EPG5: variants seen among roughly 807,000 people sequenced by gnomAD.
The protein encoded by EPG5 is ectopic P-granules 5 autophagy tethering factor.
A neutral mutation model predicts 302.7 loss-of-function variants in EPG5; 159 were observed. The observed-to-expected ratio is 0.53, with a 90% CI of 0.46 to 0.60. EPG5 has a LOEUF of 0.60. EPG5 is among the 20% of genes least tolerant of loss of function. The pLI is 0.00. For missense variants in EPG5, 2,896 were observed against 3,092.4 expected, an observed-to-expected ratio of 0.94 and a Z score of 1.51; for synonymous variants, 1,158 against 1,136.8, an observed-to-expected ratio of 1.02 and a Z score of -0.37.
chr18:45,888,012 C>T lies in EPG5; in HGVS notation c.4953-105G>A. Reference sequence around the variant, plus strand: ...TTCTCAGGCAATATTCTTAAGAATCCTCAGAGCACCCATGAAAATGTCACT... The same window carrying T: ...TTCTCAGGCAATATTCTTAAGAATCTTCAGAGCACCCATGAAAATGTCACT... On this transcript the variant is annotated intron_variant, in intron 28 of 43. Coordinates refer to ENST00000282041, the MANE Select transcript of EPG5 (RefSeq NM_020964.3). 8 of 830,918 alleles carry T rather than the reference C, an allele frequency of 9.6e-6. No individual in the cohort carries two copies. In the South Asian group the frequency reaches 2.7e-4, roughly 28 times the overall value. The allele number at this position is 830,918 out of a possible 1,614,324, so 51.5% of individuals were successfully genotyped here. A position where few individuals can be genotyped will look rare whatever the true frequency, so the allele number is the denominator to read the frequency against.
the EPG5 span, among the ~76,000 whole-genome samples, chr18:45,801,430 A>G: frequency 6.6e-6 from 1 of 152,124 alleles, no homozygotes; most frequent in Non-Finnish European, 1.5e-5. Flanking sequence ...TGGCCTTCCC[A>G]GTAATTGGCT....
intron 1 of EPG5, among the ~76,000 whole-genome samples, chr18:45,959,532 G>C (rs143143379): frequency 0.032 from 4,881 of 151,172 alleles, 224 homozygotes; most frequent in African/African-American, 0.11. Context: ...TGCAGTCCCA[G>C]CTACTCAGGA....
At chr18:45,847,251 A>G (rs997990139), downstream of EPG5, among the ~76,000 whole-genome samples, 2 of 152,180 alleles carry the variant, frequency 1.3e-5, no homozygotes, top group Non-Finnish European at 2.9e-5. Context: ...CCACCACTGA[A>G]GGTGGATTTC....
chr18:45,854,559 CA>C lies in EPG5; in HGVS notation c.7557+1013del, dbSNP rs140080431. Among the ~76,000 whole-genome samples the C allele has an allele frequency of 4.2e-3, 633 of 152,128 alleles. 11 individuals are homozygous for C. The East Asian group carries it at 0.056, about 13-fold the overall frequency. ...CTCTCTCTTTCCTCATCCAAAAAAC[CA>C]GGATAATAATAGTTCCCAGCTGGAT... On this transcript the variant is annotated intron_variant, in intron 43 of 43. Transcript: ENST00000282041.
the EPG5 span, among the ~76,000 whole-genome samples, chr18:45,820,375 G>A: frequency 4.4e-4 from 67 of 152,274 alleles, no homozygotes; most frequent in African/African-American, 1.6e-3. Flanking sequence ...CAGCCTCTAG[G>A]CAGAAACCTG....
chr18:45,867,687 T>C lies in EPG5; in HGVS notation c.6287A>G (p.Asn2096Ser), dbSNP rs141854483. Residue 2096 changes from asparagine to serine, a missense_variant, in exon 37 of 44, where the codon AAC becomes AGC. By Grantham distance (46) the Asn-to-Ser change is conservative (BLOSUM62 1). Around this residue, in one of 5 missense-constraint regions of EPG5, gnomAD observed 620 missense variants for 704.2 expected, o/e 0.88. Coordinates refer to ENST00000282041, the MANE Select transcript of EPG5 (RefSeq NM_020964.3). The stretch of plus-strand genomic sequence containing the variant: ...GGCATCAGAGAGCACACTAACCCAG[T>C]TGACTTCACAGAGTACAGACCCCAA... ...LFLGSVLCEV[N>S]WVSVLSDAWN... The C allele has an allele frequency of 2.5e-6, 4 of 1,614,112 alleles. No individual in the cohort carries two copies. Among genetic ancestry groups the C allele is most frequent in the South Asian group, 1.1e-5 (1 of 91,072 alleles).
At chr18:45,937,076 T>C (rs2050545348) in intron 10 of EPG5, among the ~76,000 whole-genome samples, 1 of 151,856 alleles carries the variant, frequency 6.6e-6, no homozygotes. Flanking sequence ...TTAATTATCC[T>C]AACACTTCAC....
chr18:45,909,378 T>C (rs920867061), intron 23 of EPG5, among the ~76,000 whole-genome samples: 1 of 152,154 alleles, frequency 6.6e-6, no homozygotes, highest in Non-Finnish European at 1.5e-5. Flanking sequence ...TGGTTAAAAA[T>C]AAGTTCTCCT....
chr18:45,892,912 T>C (rs2049384138), intron 27 of EPG5, among the ~76,000 whole-genome samples: 1 of 152,210 alleles, frequency 6.6e-6, no homozygotes, highest in Non-Finnish European at 1.5e-5. Context: ...ATAAAGCTAA[T>C]TTTTAAAAAC....
In EPG5 at chr18:45,915,922, C is replaced by A. The variant is rs1406607292; in HGVS notation, c.3582+87G>T. Reference sequence around the variant, plus strand: ...AGAAGGTAATGGCCACAGAGTAGAACTGAAAACTGTACTTGGGGGAATCTT... The same window carrying A: ...AGAAGGTAATGGCCACAGAGTAGAAATGAAAACTGTACTTGGGGGAATCTT... On this transcript the variant is annotated intron_variant, in intron 19 of 43. Coordinates refer to ENST00000282041, the MANE Select transcript of EPG5 (RefSeq NM_020964.3). 1.2e-5 allele frequency: 15 copies of A among 1,227,354 alleles called. No homozygotes were observed. The South Asian group carries it at 1.4e-4, about 11-fold the overall frequency. 76.0% of individuals were successfully genotyped at this position (1,227,354 alleles called of 1,614,324 possible).
rs748634612 is a variant in EPG5 at position 45,910,614 on chromosome 18, C to T, written c.4112G>A (p.Arg1371His). 3.1e-6 allele frequency: 5 copies of T among 1,614,048 alleles called. No homozygotes were observed. Among genetic ancestry groups the T allele is most frequent in the South Asian group, 1.1e-5 (1 of 91,090 alleles). ...CCCTTCACTGCCCTCTGCTGGAACACGGAGGGCCTTGCTTGCAGCATGGTG... is the reference window on the plus strand; with the variant it reads ...CCCTTCACTGCCCTCTGCTGGAACATGGAGGGCCTTGCTTGCAGCATGGTG... ...DFHHAASKAL[R>H]VPAEGSEGLP... The change falls in exon 23 of 44, where the codon CGT becomes CAT. Residue 1371 changes from arginine to histidine, a missense_variant. Arg to His is a conservative substitution (Grantham distance 29). Transcript: ENST00000282041.
chr18:45,869,634 C>T (rs1237021683), intron 36 of EPG5, among the ~76,000 whole-genome samples: 2 of 152,196 alleles, frequency 1.3e-5, no homozygotes, highest in Non-Finnish European at 2.9e-5. Flanking sequence ...GTCTCATATA[C>T]TAAATCTAGC....
intron 39 of EPG5, among the ~76,000 whole-genome samples, chr18:45,860,877 G>T (rs1300308834): frequency 1.3e-5 from 2 of 151,984 alleles, no homozygotes; most frequent in Non-Finnish European, 2.9e-5. Context: ...TTATTTCTTT[G>T]TTTTTTAAAT....
In EPG5 at chr18:45,887,878, G is replaced by C; in HGVS notation, c.4982C>G (p.Pro1661Arg). ...TALVNAYKLQ[P>R]TPGIQKVGIS... ...GCCAACTTTCTGAATCCCAGGTGTA[G>C]GCTGCAACTTGTAGGCATTCACTAA... The change falls in exon 29 of 44, where the codon CCT becomes CGT. Residue 1661 changes from proline (P) to arginine (R), a missense_variant. Pro to Arg is a moderately radical substitution (Grantham distance 103). Around this residue, in one of 5 missense-constraint regions of EPG5, gnomAD observed 790 missense variants for 798.0 expected, o/e 0.99. Coordinates refer to ENST00000282041, the MANE Select transcript of EPG5 (RefSeq NM_020964.3). The C allele has an allele frequency of 6.3e-7, 1 of 1,589,708 alleles. No homozygotes were observed. Among genetic ancestry groups the C allele is most frequent in the South Asian group, 1.1e-5 (1 of 88,928 alleles).
chr18:45,823,184 C>T, the EPG5 span, among the ~76,000 whole-genome samples: 3 of 152,160 alleles, frequency 2.0e-5, no homozygotes, highest in South Asian at 6.2e-4. Flanking sequence ...AGTGGTGGTA[C>T]TCCAGGCAGA....
At chr18:45,881,974 A>G (rs1482058493) in intron 31 of EPG5, among the ~76,000 whole-genome samples, 1 of 152,132 alleles carries the variant, frequency 6.6e-6, no homozygotes, top group East Asian at 1.9e-4. Context: ...TTCCCACCCC[A>G]CTTCAAGACA....
chr18:45,868,198 A>T (rs1052205940), intron 36 of EPG5: 2 of 455,076 alleles, frequency 4.4e-6, no homozygotes, highest in African/African-American at 4.0e-5. Flanking sequence ...CTACCCCTAG[A>T]GCTTTTAATT....
intron 41 of EPG5, among the ~76,000 whole-genome samples, 176 bp downstream of exon 41, chr18:45,858,390 T>C (rs1013365709): frequency 2.0e-5 from 3 of 152,252 alleles, no homozygotes; most frequent in East Asian, 1.9e-4. Context: ...ACAAAAAATC[T>C]GCTCAGAAGA....
the EPG5 span, among the ~76,000 whole-genome samples, chr18:45,835,550 T>C: frequency 3.3e-5 from 5 of 152,216 alleles, no homozygotes; most frequent in Non-Finnish European, 5.9e-5. Flanking sequence ...AAACTGGTGC[T>C]GATCTCATTT....
Sources: allele counts gnomAD v4.1 joint callset (sites outside exome capture counted in the v4.1 genomes callset), GRCh38; gene constraint gnomAD v4.1.1; regional missense constraint gnomAD v4.1.1; transcripts MANE v1.5; gene names NCBI Gene and HGNC (gene_info 2026-07-23, HGNC 2026-07-21).